CCDC171: variants seen among roughly 807,000 people sequenced by gnomAD.
CCDC171 encodes the protein coiled-coil domain containing 171, also known as coiled-coil domain-containing protein 171.
A neutral mutation model predicts 168.2 loss-of-function variants in CCDC171; 177 were observed. The observed-to-expected ratio is 1.05, with a 90% CI of 0.93 to 1.19. The LOEUF is 1.19. Among genes scored for constraint, CCDC171 ranks in the 50% most tolerant of loss-of-function variants. CCDC171 has a pLI of 0.00. For missense variants in CCDC171, 1,991 were observed against 1,539.0 expected, an observed-to-expected ratio of 1.29 and a Z score of -4.91; for synonymous variants, 687 against 540.8, an observed-to-expected ratio of 1.27 and a Z score of -3.75.
intron 11 of CCDC171, among the ~76,000 whole-genome samples, chr9:15,705,032 A>G (rs2052097824): frequency 6.6e-6 from 1 of 151,986 alleles, no homozygotes; most frequent in Non-Finnish European, 1.5e-5. Flanking sequence ...ACAATAGTTA[A>G]TAATGCTGAA....
intron 21 of CCDC171, among the ~76,000 whole-genome samples, chr9:15,824,493 G>C (rs1473875127): frequency 6.6e-6 from 1 of 151,982 alleles, no homozygotes. Flanking sequence ...TCAACAGTTA[G>C]TGGTATGCTG....
At chr9:15,599,826 T>TCTTGGAGA (rs756406059) in intron 6 of CCDC171, among the ~76,000 whole-genome samples, 17 of 152,168 alleles carry the variant, frequency 1.1e-4, no homozygotes, top group Non-Finnish European at 2.4e-4. Flanking sequence ...GCCCCATATT[T>TCTTGGAGA]CTTGGAGACT....
At chr9:15,922,997 C>T (rs114834633) in intron 25 of CCDC171, among the ~76,000 whole-genome samples, 2,251 of 151,596 alleles carry the variant, frequency 0.015, 67 homozygotes, top group African/African-American at 0.052. Flanking sequence ...ATATTTTCTC[C>T]CATCCTGTAG....
At chr9:15,723,565 T>C in intron 12 of CCDC171, 116 bp from the exon 13 acceptor site, 1 of 677,912 alleles carries the variant, frequency 1.5e-6, no homozygotes, top group Non-Finnish European at 2.5e-6. Context: ...AATTTGTATT[T>C]AAGTAATTGC....
chr9:15,576,111 C>G (rs1253152432), intron 3 of CCDC171, among the ~76,000 whole-genome samples: 1 of 102,296 alleles, frequency 9.8e-6, no homozygotes, highest in Non-Finnish European at 2.0e-5. Context: ...AAAATTATAG[C>G]TACATATATA....
chr9:15,657,741 C>T (rs576084074), intron 8 of CCDC171, among the ~76,000 whole-genome samples: 3 of 152,094 alleles, frequency 2.0e-5, no homozygotes, highest in South Asian at 4.2e-4. Context: ...TAGATGCTTA[C>T]ATAGAAGTAC....
chr9:15,732,432 T>C (rs898839358), intron 16 of CCDC171, among the ~76,000 whole-genome samples: 4 of 152,132 alleles, frequency 2.6e-5, no homozygotes, highest in Non-Finnish European at 4.4e-5. Flanking sequence ...CTTTCCTAGC[T>C]GAATAGCCTT....
intron 21 of CCDC171, among the ~76,000 whole-genome samples, chr9:15,845,884 T>A (rs2060875237): frequency 6.6e-6 from 1 of 152,082 alleles, no homozygotes; most frequent in Admixed American, 6.6e-5. Context: ...CTTCTCTCAA[T>A]TGTGAGCTTC....
chr9:15,972,125 T>C lies in CCDC171; in HGVS notation c.*289T>C, dbSNP rs972148013. 2.7e-6 allele frequency: 1 copy of C among 368,902 alleles called. No individual in the cohort carries two copies. Among genetic ancestry groups the C allele is most frequent in the African/African-American group, 2.1e-5 (1 of 47,670 alleles). The allele number at this position is 368,902 out of a possible 1,614,324, so 22.9% of individuals were successfully genotyped here. On this transcript the variant is annotated 3_prime_UTR_variant, in exon 26 of 26. Coordinates refer to ENST00000380701, the MANE Select transcript of CCDC171 (RefSeq NM_173550.4). ...GTAATTTCCCTCAGACTTAAAAAAA[T>C]CAATAAGCCATTTTAGTCTCTATCT...
chr9:15,579,170 G>A, intron 4 of CCDC171, 147 bp downstream of exon 4: 1 of 558,522 alleles, frequency 1.8e-6, no homozygotes, highest in South Asian at 3.5e-5. Context: ...AGCTGGGTAT[G>A]TATAAAAAGT....
chr9:16,069,882 G>A, the CCDC171 span, among the ~76,000 whole-genome samples: 2 of 152,128 alleles, frequency 1.3e-5, no homozygotes, highest in African/African-American at 2.4e-5. Flanking sequence ...GTTGCTGTCA[G>A]CCCTTCCCAA....
chr9:15,906,100 A>G (rs1291674412), intron 24 of CCDC171, among the ~76,000 whole-genome samples: 2 of 152,224 alleles, frequency 1.3e-5, no homozygotes, highest in Non-Finnish European at 2.9e-5. Context: ...AGGTACAAGG[A>G]GGAGCTGTTA....
At chr9:16,023,582 G>C (rs1453500723) in intron 6 of CCDC171, among the ~76,000 whole-genome samples, 1 of 152,182 alleles carries the variant, frequency 6.6e-6, no homozygotes, top group East Asian at 1.9e-4. Context: ...ATTCAGTCCA[G>C]CCAAGATGTT....
rs576837567 is a variant in CCDC171 at position 15,624,033 on chromosome 9, A to C, written c.822+620A>C. 2.6e-5 allele frequency among the ~76,000 whole-genome samples: 4 copies of C among 152,320 alleles called. No homozygotes were observed. In the South Asian group the frequency reaches 8.3e-4, roughly 32 times the overall value. ...AAACAGATAAAGAAGTTTTGTCCTAAACATAATTTGTAATCTTTATTAGGC... is the reference window on the plus strand; with the variant it reads ...AAACAGATAAAGAAGTTTTGTCCTACACATAATTTGTAATCTTTATTAGGC... On this transcript the variant is annotated intron_variant, in intron 7 of 25. Coordinates refer to ENST00000380701, the MANE Select transcript of CCDC171 (RefSeq NM_173550.4).
rs377045464 is a variant in CCDC171, at chr9:15,793,772, C to G, written c.3267+9078C>G. On this transcript the variant is annotated intron_variant, in intron 21 of 25. Transcript: ENST00000380701. ...CCATATTGGCTAGGATGGTCTCGAT[C>G]TCCTCACCTCGTGACCTGCCTGCCT... is the stretch of plus-strand genomic sequence containing the variant. Among the ~76,000 whole-genome samples, 5 of 152,034 alleles carry G rather than the reference C, an allele frequency of 3.3e-5. No homozygotes were observed. In the East Asian group the frequency reaches 7.8e-4, roughly 24 times the overall value.
chr9:15,761,908 T>C (rs2056466399), intron 18 of CCDC171, among the ~76,000 whole-genome samples: 1 of 152,172 alleles, frequency 6.6e-6, no homozygotes, highest in South Asian at 2.1e-4. Flanking sequence ...TGAACAGATA[T>C]TTTGTATTTT....
At chr9:15,876,453 C>T (rs1448705652) in intron 24 of CCDC171, among the ~76,000 whole-genome samples, 2 of 152,046 alleles carry the variant, frequency 1.3e-5, no homozygotes, top group Non-Finnish European at 2.9e-5. Context: ...TTACACTTCA[C>T]CACCACCACC....
intron 6 of CCDC171, among the ~76,000 whole-genome samples, chr9:15,598,247 T>C (rs1160385100): frequency 1.3e-5 from 2 of 152,158 alleles, no homozygotes; most frequent in Non-Finnish European, 2.9e-5. Context: ...TGTTAGGGTG[T>C]CAATTTTAGA....
Position 15,658,574 on chromosome 9 carries a change from G to A in CCDC171, c.915+1355G>A, listed in dbSNP as rs570084043. On this transcript the variant is annotated intron_variant, in intron 8 of 25. Transcript: ENST00000380701. Reference sequence around the variant, plus strand: ...TGATTTATTTGAGGATCTTGAGATGGGAGTTTGTCCCAGTTTATCTAGTTG... The same window carrying A: ...TGATTTATTTGAGGATCTTGAGATGAGAGTTTGTCCCAGTTTATCTAGTTG... Among the ~76,000 whole-genome samples the A allele has an allele frequency of 6.6e-5, 10 of 152,258 alleles. No individual in the cohort carries two copies. The South Asian group carries it at 2.1e-3, about 32-fold the overall frequency.
Sources: allele counts gnomAD v4.1 joint callset (sites outside exome capture counted in the v4.1 genomes callset), GRCh38; gene constraint gnomAD v4.1.1; transcripts MANE v1.5; gene names NCBI Gene and HGNC (gene_info 2026-07-23, HGNC 2026-07-21).